The following UNC5C variants were observed in gnomAD, a reference collection of about 807,000 sequenced individuals.
UNC5C encodes unc-5 netrin receptor C, also known as netrin receptor UNC5C.
Under a neutral mutation model 99.8 loss-of-function variants are expected in UNC5C, and 47 were observed. That is an observed-to-expected ratio of 0.47 (90% CI 0.37 to 0.60). The LOEUF is 0.60. Among genes scored for constraint, UNC5C ranks in the 20% least tolerant of loss-of-function variants. The pLI is 0.00. For missense variants in UNC5C, 1,062 were observed against 1,165.9 expected (o/e 0.91, Z 1.30); for synonymous variants, 487 against 452.2 (o/e 1.08, Z -0.98).
At chr4:95,373,860 T>A (rs909190982) in intron 1 of UNC5C, among the ~76,000 whole-genome samples, 11 of 152,198 alleles carry the variant, frequency 7.2e-5, no homozygotes, top group African/African-American at 2.7e-4. Flanking sequence ...AAAAATTATT[T>A]CATCTTAGTT....
intron 1 of UNC5C, among the ~76,000 whole-genome samples, chr4:95,354,119 GTTTC>G (rs1744084281): frequency 6.6e-6 from 1 of 151,986 alleles, no homozygotes. Flanking sequence ...TTTTGAATCT[GTTTC>G]TTTCTGTTTC....
chr4:95,519,999 G>A (rs949079575), intron 1 of UNC5C, among the ~76,000 whole-genome samples: 5 of 152,200 alleles, frequency 3.3e-5, no homozygotes, highest in African/African-American at 1.2e-4. Context: ...AATGAGCAAA[G>A]CAAGATGGAT....
intron 3 of UNC5C, among the ~76,000 whole-genome samples, chr4:95,295,524 T>A (rs962813711): frequency 5.3e-5 from 8 of 152,346 alleles, no homozygotes; most frequent in African/African-American, 1.9e-4. Context: ...TAAGCAAGCT[T>A]AAATACATAA....
At chr4:95,356,918 G>T (rs527762275) in intron 1 of UNC5C, among the ~76,000 whole-genome samples, 1 of 152,110 alleles carries the variant, frequency 6.6e-6, no homozygotes, top group East Asian at 1.9e-4. Context: ...GAAACTGGGC[G>T]CAACTGGTCT....
intron 14 of UNC5C, 67 bp downstream of exon 14, chr4:95,182,830 G>A (rs1736667463): frequency 1.3e-6 from 2 of 1,530,480 alleles, no homozygotes; most frequent in Admixed American, 1.8e-5. Context: ...TACCCTTTTA[G>A]CCCACACACT....
At chr4:95,227,113 A>G (rs1320361721) in intron 7 of UNC5C, among the ~76,000 whole-genome samples, 1 of 151,404 alleles carries the variant, frequency 6.6e-6, no homozygotes, top group Non-Finnish European at 1.5e-5. Flanking sequence ...GTAACTGCTT[A>G]TAACCTATAT....
chr4:95,450,408 A>C (rs1474216141), intron 1 of UNC5C, among the ~76,000 whole-genome samples: 2 of 152,142 alleles, frequency 1.3e-5, no homozygotes, highest in Non-Finnish European at 2.9e-5. Context: ...TTTTCTGTAG[A>C]GAGTGTGTGT....
At chr4:95,401,165 C>T (rs1381469045) in intron 1 of UNC5C, among the ~76,000 whole-genome samples, 2 of 152,010 alleles carry the variant, frequency 1.3e-5, no homozygotes, top group Non-Finnish European at 2.9e-5. Context: ...AATTTGGAAG[C>T]TTCAATTTGT....
chr4:95,315,136 T>G (rs1441901888), intron 2 of UNC5C, among the ~76,000 whole-genome samples: 1 of 152,190 alleles, frequency 6.6e-6, no homozygotes, highest in Non-Finnish European at 1.5e-5. Flanking sequence ...TAAGTATTTT[T>G]TTCATTCATT....
At chr4:95,383,367 A>G (rs1349729870) in intron 1 of UNC5C, among the ~76,000 whole-genome samples, 3 of 152,184 alleles carry the variant, frequency 2.0e-5, no homozygotes, top group African/African-American at 7.2e-5. Flanking sequence ...ACATTCAATT[A>G]TATGTGCATG....
At chr4:95,406,746 G>T (rs1042968001) in intron 1 of UNC5C, among the ~76,000 whole-genome samples, 1 of 152,086 alleles carries the variant, frequency 6.6e-6, no homozygotes, top group African/African-American at 2.4e-5. Context: ...AGAAATAAGT[G>T]CATTATATGC....
chr4:95,248,374 A>T (rs892117628), intron 5 of UNC5C: 1 of 339,602 alleles, frequency 2.9e-6, no homozygotes, highest in Admixed American at 4.2e-5. Context: ...GACAAAGAGT[A>T]GCAAGTTATG....
At chr4:95,523,223 G>A (rs1186525140) in intron 1 of UNC5C, among the ~76,000 whole-genome samples, 2 of 152,166 alleles carry the variant, frequency 1.3e-5, no homozygotes, top group Non-Finnish European at 2.9e-5. Flanking sequence ...CTCACCTTGA[G>A]GAAACCTACC....
intron 12 of UNC5C, among the ~76,000 whole-genome samples, chr4:95,190,548 A>C (rs1409755241): frequency 1.3e-5 from 2 of 151,952 alleles, no homozygotes; most frequent in Non-Finnish European, 2.9e-5. Context: ...GAACTCTTGC[A>C]CTCAAGTAAA....
chr4:95,340,026 C>T (rs937229983), intron 1 of UNC5C, among the ~76,000 whole-genome samples: 11 of 152,066 alleles, frequency 7.2e-5, no homozygotes, highest in Non-Finnish European at 1.5e-4. Flanking sequence ...CTCAGTATTT[C>T]CTTTTTTCTG....
At chr4:95,257,508 T>G (rs1234356535) in intron 4 of UNC5C, among the ~76,000 whole-genome samples, 1 of 152,030 alleles carries the variant, frequency 6.6e-6, no homozygotes, top group Non-Finnish European at 1.5e-5. Flanking sequence ...ACAGGACATA[T>G]GAGTTGACGG....
chr4:95,234,033 C>T (rs1739008391), intron 7 of UNC5C, among the ~76,000 whole-genome samples: 2 of 151,942 alleles, frequency 1.3e-5, no homozygotes, highest in South Asian at 4.2e-4. Flanking sequence ...ATATAATATG[C>T]TTATTGTCTT....
intron 7 of UNC5C, among the ~76,000 whole-genome samples, chr4:95,235,981 T>C (rs1739095491): frequency 1.3e-5 from 2 of 152,202 alleles, no homozygotes; most frequent in South Asian, 4.1e-4. Context: ...TTTACAGTGT[T>C]GGTAGGACTG....
intron 5 of UNC5C, among the ~76,000 whole-genome samples, chr4:95,249,321 T>A (rs757192611): frequency 1.3e-5 from 2 of 152,152 alleles, no homozygotes; most frequent in Non-Finnish European, 2.9e-5. Context: ...GGTCTCCCCC[T>A]CCTTCAGTCA....
Sources: allele counts gnomAD v4.1 joint callset (sites outside exome capture counted in the v4.1 genomes callset), GRCh38; gene constraint gnomAD v4.1.1; transcripts MANE v1.5; gene names NCBI Gene and HGNC (gene_info 2026-07-23, HGNC 2026-07-21).